USP53: variants seen among roughly 807,000 people sequenced by gnomAD.
The protein encoded by USP53 is ubiquitin carboxyl-terminal hydrolase 53.
USP53 carries 71 observed loss-of-function variants against 94.9 expected under a neutral mutation model. That is an observed-to-expected ratio of 0.75 (90% CI 0.62 to 0.91). The LOEUF (loss-of-function observed/expected upper bound fraction) is 0.91, where lower values mean the gene tolerates loss of function less well. Among genes scored for constraint, USP53 ranks in the 40% least tolerant of loss-of-function variants. USP53 has a pLI of 0.00. For synonymous variants in USP53, 375 were observed against 422.7 expected (o/e 0.89, Z 1.39); for missense variants, 1,173 against 1,281.0 (o/e 0.92, Z 1.29).
intron 3 of USP53, among the ~76,000 whole-genome samples, chr4:119,235,073 G>A (rs915164195): frequency 6.6e-6 from 1 of 152,334 alleles, no homozygotes; most frequent in Non-Finnish European, 1.5e-5. Context: ...TGACAAGAAT[G>A]TATCTAAGAC....
At chr4:119,237,932 T>A (rs1747005370) in intron 4 of USP53, among the ~76,000 whole-genome samples, 1 of 152,180 alleles carries the variant, frequency 6.6e-6, no homozygotes, top group Non-Finnish European at 1.5e-5. Flanking sequence ...TTCCTCACCC[T>A]CTTTTTCTCA....
In USP53 at chr4:119,293,185, G is replaced by A. The variant is rs1754968981; in HGVS notation, c.3196G>A (p.Gly1066Ser). Reference sequence around the variant, plus strand: ...CAAGCTCTCTTTTCCAGAGAGCAGTGGCTTTTGTAATAATTCACTATCTTA... The same window carrying A: ...CAAGCTCTCTTTTCCAGAGAGCAGTAGCTTTTGTAATAATTCACTATCTTA... ...RPKLSFPESS[G>S]FCNNSLS Residue 1066 changes from glycine (G) to serine (S), a missense_variant, in exon 19 of 19, where the codon GGC becomes AGC. Gly to Ser is a moderately conservative substitution (Grantham distance 56, BLOSUM62 0). Coordinates refer to ENST00000692078, the MANE Select transcript of USP53 (RefSeq NM_001371395.1). 6.2e-7 allele frequency: 1 copy of A among 1,604,376 alleles called. No homozygotes were observed. Among genetic ancestry groups the A allele is most frequent in the Non-Finnish European group, 8.5e-7 (1 of 1,178,356 alleles).
chr4:119,293,353 A>G lies in USP53; in HGVS notation c.*142A>G. 2 of 975,232 alleles carry G rather than the reference A, an allele frequency of 2.1e-6. No individual in the cohort carries two copies. The allele number at this position is 975,232 out of a possible 1,614,324, so 60.4% of individuals were successfully genotyped here. ...TACTTCTCAGAGGCCATTTAAATAT[A>G]ATAGGAACCTACTGACCAAACCTAG... On this transcript the variant is annotated 3_prime_UTR_variant, in exon 19 of 19. Coordinates refer to ENST00000692078, the MANE Select transcript of USP53 (RefSeq NM_001371395.1).
chr4:119,261,766 G>C lies in USP53; in HGVS notation c.874G>C (p.Val292Leu), dbSNP rs931197887. Reference protein sequence around the residue: ...ENAKNSELNLVGMICYTSQHY... With the variant: ...ENAKNSELNLLGMICYTSQHY... ...TGCCAAAAATAGTGAACTTAACCTT[G>C]TTGGTATGATCTGCTACACCAGCCA... Residue 292 changes from valine to leucine, a missense_variant, in exon 12 of 19, where the codon GTT becomes CTT. Coordinates refer to ENST00000692078, the MANE Select transcript of USP53 (RefSeq NM_001371395.1). The C allele has an allele frequency of 6.4e-6, 10 of 1,558,524 alleles. No individual in the cohort carries two copies. Among genetic ancestry groups the C allele is most frequent in the Non-Finnish European group, 8.8e-6 (10 of 1,142,050 alleles).
rs376881706 is a variant in USP53, at chr4:119,273,879, G to C, written c.2251+171G>C. On this transcript the variant is annotated intron_variant, in intron 17 of 18. Transcript: ENST00000692078. ...TTAAGTTAATATATGTTTTAATGAA[G>C]TACATGTGGAAAGAAGGAAATCAGC... is the stretch of plus-strand genomic sequence containing the variant. 8.6e-5 allele frequency among the ~76,000 whole-genome samples: 13 copies of C among 151,856 alleles called. No homozygotes were observed. The East Asian group carries it at 1.4e-3, about 16-fold the overall frequency.
At chr4:119,273,802 G>A (rs988605448) in intron 17 of USP53, 94 bp downstream of exon 17, 2 of 980,904 alleles carry the variant, frequency 2.0e-6, no homozygotes, top group Non-Finnish European at 3.0e-6. Flanking sequence ...AATCCTATAT[G>A]ACTATAAAAA....
At chr4:119,240,544 G>A (rs575413558) in intron 5 of USP53, among the ~76,000 whole-genome samples, 1 of 152,248 alleles carries the variant, frequency 6.6e-6, no homozygotes, top group Admixed American at 6.5e-5. Flanking sequence ...GACCATTGTA[G>A]AGTACTAAAG....
intron 5 of USP53, among the ~76,000 whole-genome samples, chr4:119,243,450 A>G (rs2149335370): frequency 1.3e-5 from 2 of 152,318 alleles, no homozygotes; most frequent in South Asian, 4.1e-4. Context: ...GTGAGCCAAG[A>G]TAGCACCATC....
At chr4:119,280,143 T>G (rs1342224964) in intron 17 of USP53, among the ~76,000 whole-genome samples, 2 of 152,174 alleles carry the variant, frequency 1.3e-5, no homozygotes. Flanking sequence ...CAGCCTTTTT[T>G]CATGTGCTGT....
rs1336966165 is a variant in USP53 at position 119,293,965 on chromosome 4, A to G, written c.*754A>G. ...TGTCTTCAGAATATCTAGTTAAGAT[A>G]AATTAGGCCTTTGACTATTATAGGT... On this transcript the variant is annotated 3_prime_UTR_variant, in exon 19 of 19. Transcript: ENST00000692078. The G allele has an allele frequency of 3.9e-5, 6 of 152,172 alleles. No homozygotes were observed. Among genetic ancestry groups the G allele is most frequent in the Non-Finnish European group, 7.4e-5 (5 of 67,990 alleles). 9.4% of individuals were successfully genotyped at this position (152,172 alleles called of 1,614,324 possible).
chr4:119,219,875 CAT>C (rs1457246926), intron 3 of USP53: 3 of 152,166 alleles, frequency 2.0e-5, no homozygotes, highest in Non-Finnish European at 2.9e-5. Flanking sequence ...AGCACTGACT[CAT>C]AAGAAAACAG....
At chr4:119,285,528 G>A (rs906606151) in intron 17 of USP53, among the ~76,000 whole-genome samples, 1 of 151,696 alleles carries the variant, frequency 6.6e-6, no homozygotes, top group Non-Finnish European at 1.5e-5. Context: ...GTTAATCAGT[G>A]GTTTAAAAAT....
chr4:119,240,490 T>C (rs1747377840), intron 5 of USP53, among the ~76,000 whole-genome samples: 2 of 152,186 alleles, frequency 1.3e-5, no homozygotes, highest in Admixed American at 6.5e-5. Flanking sequence ...CTTAATAAAG[T>C]TTTTATTCAG....
rs189689015 is a variant in USP53 at position 119,257,547 on chromosome 4, A to G, written c.569+1024A>G. 1.6e-3 allele frequency among the ~76,000 whole-genome samples: 238 copies of G among 152,360 alleles called. 3 individuals are homozygous for G. The highest frequency in any genetic ancestry group is 0.01 in the Middle Eastern group (3 of 294). ...TACATAATATGGATCAATAATTATC[A>G]GTCAGAATATGTTAGTGCAACAGTT... On this transcript the variant is annotated intron_variant, in intron 9 of 18. Coordinates refer to ENST00000692078, the MANE Select transcript of USP53 (RefSeq NM_001371395.1).
At chr4:119,228,679 G>T (rs1283722324) in intron 3 of USP53, among the ~76,000 whole-genome samples, 1 of 152,044 alleles carries the variant, frequency 6.6e-6, no homozygotes, top group Admixed American at 6.5e-5. Context: ...TGTGGTAATG[G>T]TTACATGACT....
At chr4:119,266,361 A>G (rs1751128816) in intron 12 of USP53, 1 of 456,158 alleles carries the variant, frequency 2.2e-6, no homozygotes, top group African/African-American at 2.0e-5. Flanking sequence ...TTTACAAGAA[A>G]CTGTCAAATT....
chr4:119,267,234 ATAAAG>A, intron 12 of USP53, 81 bp from the exon 13 acceptor site: 1 of 1,338,860 alleles, frequency 7.5e-7, no homozygotes, highest in Non-Finnish European at 1.0e-6. Flanking sequence ...TTTTAAAAAT[ATAAAG>A]TAACTCAGAG....
At chr4:119,223,604 G>C (rs1744841552) in intron 3 of USP53, among the ~76,000 whole-genome samples, 1 of 152,096 alleles carries the variant, frequency 6.6e-6, no homozygotes, top group Non-Finnish European at 1.5e-5. Flanking sequence ...TTTCCTCCCT[G>C]GTACTTCTGT....
intron 12 of USP53, among the ~76,000 whole-genome samples, chr4:119,262,966 A>C (rs555437028): frequency 3.4e-4 from 52 of 152,352 alleles, no homozygotes; most frequent in Middle Eastern, 6.8e-3. Flanking sequence ...TGGTCTTGTC[A>C]AGGCTTACTG....
Sources: allele counts gnomAD v4.1 joint callset (sites outside exome capture counted in the v4.1 genomes callset), GRCh38; gene constraint gnomAD v4.1.1; transcripts MANE v1.5; gene names NCBI Gene and HGNC (gene_info 2026-07-23, HGNC 2026-07-21).